NEBL: variants seen among roughly 807,000 people sequenced by gnomAD.
The protein encoded by NEBL is nebulette.
Under a neutral mutation model 140.2 loss-of-function variants are expected in NEBL, and 122 were observed. The observed-to-expected ratio is 0.87, with a 90% CI of 0.75 to 1.01. The LOEUF (loss-of-function observed/expected upper bound fraction) is 1.01. Among genes scored for constraint, NEBL ranks in the 50% least tolerant of loss-of-function variants. NEBL has a pLI of 0.00. For missense variants in NEBL, 1,365 were observed against 1,231.3 expected, an observed-to-expected ratio of 1.11 and a Z score of -1.62; for synonymous variants, 436 against 398.9, an observed-to-expected ratio of 1.09 and a Z score of -1.11.
chr10:20,903,177 TAA>T, intron 4 of NEBL, among the ~76,000 whole-genome samples: 1 of 152,300 alleles, frequency 6.6e-6, no homozygotes, highest in Non-Finnish European at 1.5e-5. Context: ...ATACCTATGA[TAA>T]AGTTTAATTT....
chr10:20,827,032 T>A (rs1034925674), intron 17 of NEBL, among the ~76,000 whole-genome samples: 5 of 152,186 alleles, frequency 3.3e-5, no homozygotes, highest in Non-Finnish European at 5.9e-5. Flanking sequence ...CAAGTCTATC[T>A]TCTTCATCTT....
chr10:21,040,090 G>T (rs1373272531), intron 2 of NEBL, among the ~76,000 whole-genome samples: 1 of 152,212 alleles, frequency 6.6e-6, no homozygotes, highest in Non-Finnish European at 1.5e-5. Flanking sequence ...GGGTTTAACT[G>T]GGCGTGGTGG....
intron 2 of NEBL, among the ~76,000 whole-genome samples, chr10:21,024,570 C>A (rs1031429363): frequency 3.3e-5 from 5 of 150,514 alleles, no homozygotes; most frequent in Admixed American, 2.6e-4. Flanking sequence ...TGAGTTGAGA[C>A]CATAAGACTC....
At chr10:21,144,865 A>G (rs187565693) in intron 2 of NEBL, among the ~76,000 whole-genome samples, 8 of 152,216 alleles carry the variant, frequency 5.3e-5, no homozygotes, top group Admixed American at 3.9e-4. Flanking sequence ...AATAGTGGTT[A>G]GCATGGGCTC....
chr10:21,185,782 C>T (rs150635593), intron 3 of NEBL, among the ~76,000 whole-genome samples: 2 of 152,110 alleles, frequency 1.3e-5, no homozygotes, highest in Admixed American at 6.6e-5. Context: ...ACAGGCGTGA[C>T]CCACTGCGCC....
At chr10:20,993,029 C>T (rs1254283364) in intron 3 of NEBL, among the ~76,000 whole-genome samples, 5 of 151,790 alleles carry the variant, frequency 3.3e-5, no homozygotes, top group African/African-American at 7.3e-5. Context: ...ATGATCTGCC[C>T]GCCTCGGCCT....
intron 3 of NEBL, among the ~76,000 whole-genome samples, chr10:20,972,781 T>C (rs1449836319): frequency 6.6e-6 from 1 of 151,778 alleles, no homozygotes; most frequent in Non-Finnish European, 1.5e-5. Context: ...AAAATGTAAA[T>C]GCATTATACT....
intron 3 of NEBL, among the ~76,000 whole-genome samples, chr10:21,213,470 A>G (rs542261669): frequency 6.6e-6 from 1 of 152,352 alleles, no homozygotes; most frequent in East Asian, 1.9e-4. Flanking sequence ...GCACTTTCAA[A>G]ACAACACTGT....
At position 20,888,186 on chromosome 10, in the gene NEBL, T is replaced by C. The variant is rs775662084; in HGVS notation, c.280A>G (p.Lys94Glu). Residue 94 changes from lysine (K) to glutamate (E), a missense_variant, in exon 4 of 28, where the codon AAA (lysine) becomes GAA (glutamate). Coordinates refer to ENST00000377122, the MANE Select transcript of NEBL (RefSeq NM_006393.3). ...ISEAKYKGTI[K>E]ADLSNSLYKR... ...TAAAGAGAATTAGAAAGGTCAGCTT[T>C]AATGGTGCCTTTGTATTTTGCCTGG... 6.2e-7 allele frequency: 1 copy of C among 1,611,974 alleles called. No homozygotes were observed. Among genetic ancestry groups the C allele is most frequent in the South Asian group, 1.1e-5 (1 of 90,850 alleles).
At chr10:21,165,954 C>T (rs1304464300) in intron 2 of NEBL, among the ~76,000 whole-genome samples, 1 of 152,140 alleles carries the variant, frequency 6.6e-6, no homozygotes, top group Non-Finnish European at 1.5e-5. Context: ...TCAATCACCA[C>T]TTCCAATAAA....
rs576938006 is a variant in NEBL, at chr10:21,149,377, G to A, written c.164+23006C>T. Among the ~76,000 whole-genome samples, 11 of 152,026 alleles carry A rather than the reference G, an allele frequency of 7.2e-5. No homozygotes were observed. In the South Asian group the frequency reaches 8.3e-4, roughly 12 times the overall value. On this transcript the variant is annotated intron_variant, in intron 2 of 6. Coordinates refer to the NEBL transcript ENST00000417816. ...GCAATCTCAGCTCACTGCAACCTCC[G>A]CCTCCTGGGTTCAAGCGATTCTCTC...
At chr10:21,258,423 G>A (rs1380949252) in intron 1 of NEBL, among the ~76,000 whole-genome samples, 2 of 152,132 alleles carry the variant, frequency 1.3e-5, no homozygotes, top group Non-Finnish European at 2.9e-5. Context: ...ACAAAAATTA[G>A]GCCAGGAGCT....
chr10:20,800,468 T>G (rs1345974271), intron 26 of NEBL, among the ~76,000 whole-genome samples: 2 of 152,130 alleles, frequency 1.3e-5, no homozygotes, highest in Non-Finnish European at 2.9e-5. Flanking sequence ...GGTGGTTTCA[T>G]CTACTTTGGG....
At chr10:20,852,482 G>T (rs71524343) in intron 10 of NEBL, 63 bp downstream of exon 10, 3 of 1,044,206 alleles carry the variant, frequency 2.9e-6, no homozygotes, top group East Asian at 2.4e-5. Flanking sequence ...AGTGAGCGGC[G>T]GGCCTCAGGA....
chr10:20,855,522 AAAC>A (rs769864824), intron 9 of NEBL, among the ~76,000 whole-genome samples: 5 of 135,702 alleles, frequency 3.7e-5, no homozygotes, highest in Non-Finnish European at 8.1e-5. Context: ...AAACAAAACA[AAAC>A]AAAAAAAAAA....
At chr10:21,161,826 G>A (rs1454009819) in intron 2 of NEBL, among the ~76,000 whole-genome samples, 1 of 152,096 alleles carries the variant, frequency 6.6e-6, no homozygotes, top group Non-Finnish European at 1.5e-5. Context: ...AATTTGAATG[G>A]CCTTTGTCCC....
Position 21,188,951 on chromosome 10 carries a change from A to AG in NEBL, n.349-16475dup, listed in dbSNP as rs1364550455. ...AGTGGATGAAAATTACTATTGTTTT[A>AG]GGGGACATACTTTGTCACCTACAAT... On this transcript the variant is annotated intron_variant and non_coding_transcript_variant, in intron 3 of 8. Transcript: ENST00000675702. Among the ~76,000 whole-genome samples the AG allele has an allele frequency of 7.9e-5, 12 of 152,286 alleles. No homozygotes were observed. In the South Asian group the frequency reaches 1.2e-3, roughly 16 times the overall value.
At chr10:20,881,226 G>T (rs571606431) in intron 4 of NEBL, among the ~76,000 whole-genome samples, 1 of 152,282 alleles carries the variant, frequency 6.6e-6, no homozygotes, top group East Asian at 1.9e-4. Flanking sequence ...AGATGTCAGA[G>T]ATTTAAATCT....
chr10:20,967,349 T>C (rs528700840), intron 3 of NEBL, among the ~76,000 whole-genome samples: 1 of 152,290 alleles, frequency 6.6e-6, no homozygotes, highest in Admixed American at 6.5e-5. Context: ...GACACAGGGC[T>C]GGGCATGGTG....
Sources: gnomAD v4.1 joint callset for allele counts (sites outside exome capture counted in the v4.1 genomes callset) on GRCh38, gnomAD v4.1.1 for gene constraint, MANE v1.5 for transcripts, NCBI Gene and HGNC (gene_info 2026-07-23, HGNC 2026-07-21) for gene names.